Variants in TSPAN6 observed in about 807,000 individuals in gnomAD.
TSPAN6 encodes tetraspanin 6.
In TSPAN6, 13 loss-of-function variants were observed where a neutral mutation model predicts 18.0. That is an observed-to-expected ratio of 0.72 (90% CI 0.47 to 1.15). TSPAN6 has a LOEUF of 1.15. TSPAN6 is among the 50% of genes most tolerant of loss of function. TSPAN6 has a pLI of 0.00. For missense variants in TSPAN6, 186 were observed against 183.9 expected, an observed-to-expected ratio of 1.01 and a Z score of -0.07; for synonymous variants, 82 against 67.0, an observed-to-expected ratio of 1.22 and a Z score of -1.09.
At chrX:100,633,769 T>C (rs1367847988) in intron 4 of TSPAN6, among the ~76,000 whole-genome samples, 162 bp downstream of exon 4, 1 of 108,518 alleles carries the variant, frequency 9.2e-6, no homozygotes, top group African/African-American at 3.4e-5. Flanking sequence ...ACCTGGACTA[T>C]GATGTAAGTG....
At chrX:100,634,665 G>GT (rs946569845) in intron 3 of TSPAN6, among the ~76,000 whole-genome samples, 63 of 107,683 alleles carry the variant, frequency 5.9e-4, no homozygotes, top group East Asian at 3.2e-3. Context: ...CTAATTTTTT[G>GT]TTTTTTTTTG....
intron 1 of TSPAN6, among the ~76,000 whole-genome samples, chrX:100,635,953 C>T (rs368680298): frequency 2.0e-4 from 22 of 112,087 alleles, no homozygotes; most frequent in Admixed American, 1.6e-3. Flanking sequence ...TAAAATTCAT[C>T]TTTTTGTGTG....
chrX:100,631,880 T>C (rs2083061631), intron 6 of TSPAN6, among the ~76,000 whole-genome samples: 1 of 111,652 alleles, frequency 9.0e-6, no homozygotes, highest in African/African-American at 3.3e-5. Flanking sequence ...TCTTCTTTTT[T>C]TTAATTATAC....
At chrX:100,636,825 T>C, upstream of TSPAN6, 1 of 693,399 alleles carries the variant, frequency 1.4e-6, no homozygotes. Context: ...CCGGAAACAC[T>C]GTACAATTTT....
chrX:100,629,753 T>C lies in TSPAN6; in HGVS notation c.*273A>G, dbSNP rs2083046425. The C allele has an allele frequency of 8.8e-6, 1 of 113,404 alleles. No homozygotes were observed. The highest frequency in any genetic ancestry group is 1.8e-5 in the Non-Finnish European group (1 of 54,110). The allele number at this position is 113,404 out of a possible 1,213,427, so 9.3% of individuals were successfully genotyped here. A position where few individuals can be genotyped will look rare whatever the true frequency, so the allele number is the denominator to read the frequency against. Reference sequence around the variant, plus strand: ...TCAGAGGGATACAGGGTTTCAACGATCTAACATGAATGGGATAGAAGGTGG... The same window carrying C: ...TCAGAGGGATACAGGGTTTCAACGACCTAACATGAATGGGATAGAAGGTGG... On this transcript the variant is annotated 3_prime_UTR_variant, in exon 8 of 8. Transcript: ENST00000373020.
intron 1 of TSPAN6, 182 bp downstream of exon 1, chrX:100,636,426 G>C (rs1049975274): frequency 8.8e-5 from 88 of 1,002,593 alleles, no homozygotes; most frequent in Non-Finnish European, 1.1e-4. Flanking sequence ...CCCCAGCGCC[G>C]GCGAGATGCC....
At chrX:100,636,486 A>T in intron 1 of TSPAN6, 122 bp downstream of exon 1, 1 of 1,017,208 alleles carries the variant, frequency 9.8e-7, no homozygotes, top group South Asian at 3.5e-5. Flanking sequence ...TCGGGGTCCC[A>T]GGCGCGATGG....
intron 1 of TSPAN6, chrX:100,636,257 A>C (rs903532436): frequency 2.7e-5 from 22 of 829,504 alleles, no homozygotes; most frequent in Non-Finnish European, 3.2e-5. Context: ...GAGCCCTCAA[A>C]GGGGCCGGGC....
intron 6 of TSPAN6, among the ~76,000 whole-genome samples, chrX:100,631,863 C>G (rs1898917925): frequency 1.8e-5 from 2 of 111,346 alleles, no homozygotes; most frequent in Non-Finnish European, 3.8e-5. Flanking sequence ...CTAAATCTTA[C>G]TTTTTTTCTT....
Position 100,629,974 on chromosome X carries a change from G to A in TSPAN6, c.*52C>T. The A allele has an allele frequency of 9.3e-6, 7 of 752,626 alleles. No individual in the cohort carries two copies. The South Asian group carries it at 3.4e-4, about 36-fold the overall frequency. 62.0% of individuals were successfully genotyped at this position (752,626 alleles called of 1,213,427 possible). On this transcript the variant is annotated 3_prime_UTR_variant, in exon 8 of 8. Transcript: ENST00000373020. ...AAGCAACTTTCTAATTCACAGGGGG[G>A]ACCCTAAATGTCCTAAAATTAAAGA...
chrX:100,636,834 T>C, upstream of TSPAN6: 6 of 648,129 alleles, frequency 9.3e-6, no homozygotes, highest in Non-Finnish European at 1.3e-5. Flanking sequence ...CTGTACAATT[T>C]TGTAGAGGGT....
At chrX:100,636,432 A>G (rs1008228303) in intron 1 of TSPAN6, 176 bp downstream of exon 1, 4 of 995,831 alleles carry the variant, frequency 4.0e-6, no homozygotes, top group Non-Finnish European at 5.1e-6. Context: ...CGCCGGCGAG[A>G]TGCCTGAGCT....
intron 6 of TSPAN6, among the ~76,000 whole-genome samples, chrX:100,631,874 C>CT (rs2083061599): frequency 9.0e-6 from 1 of 110,846 alleles, no homozygotes; most frequent in South Asian, 3.8e-4. Context: ...TTTTTTTCTT[C>CT]TTTTTTTTAA....
chrX:100,635,743 T>A lies in TSPAN6; in HGVS notation c.91A>T (p.Thr31Ser). Residue 31 changes from threonine to serine, a missense_variant, in exon 2 of 8, where the codon ACT becomes TCT. By Grantham distance (58) the Thr-to-Ser change is moderately conservative. Transcript: ENST00000373020. Reference protein sequence around the residue: ...LLIYTFIFWITGVILLAVGIW... With the variant: ...LLIYTFIFWISGVILLAVGIW... The stretch of plus-strand genomic sequence containing the variant: ...CCAACTGCAAGAAGGATAACGCCAG[T>A]GATCTATGTGGGAATTCAGAGAATA... The A allele has an allele frequency of 8.6e-7, 1 of 1,163,846 alleles. No individual in the cohort carries two copies. Among genetic ancestry groups the A allele is most frequent in the Non-Finnish European group, 1.2e-6 (1 of 868,015 alleles).
intron 3 of TSPAN6, among the ~76,000 whole-genome samples, chrX:100,634,560 C>T (rs899769082): frequency 9.1e-6 from 1 of 110,406 alleles, no homozygotes; most frequent in Admixed American, 9.7e-5. Context: ...GGCGCGATCT[C>T]GGCTCACTGC....
In TSPAN6 at chrX:100,629,835, C is replaced by G. The variant is rs942225925; in HGVS notation, c.*191G>C. 9 of 207,307 alleles carry G rather than the reference C, an allele frequency of 4.3e-5. No homozygotes were observed. The highest frequency in any genetic ancestry group is 6.4e-5 in the Non-Finnish European group (9 of 140,282). 17.1% of individuals were successfully genotyped at this position (207,307 alleles called of 1,213,427 possible). On this transcript the variant is annotated 3_prime_UTR_variant, in exon 8 of 8. Transcript: ENST00000373020. ...GAATCAGCCCACTGCGAGCACGGAT[C>G]TTGATTGAATCAGCCTATTGGTGTA...
chrX:100,636,140 A>G (rs1480802309), intron 1 of TSPAN6: 37 of 790,630 alleles, frequency 4.7e-5, no homozygotes, highest in Admixed American at 7.6e-5. Flanking sequence ...ACTGGTACAC[A>G]AAAGCAAGCC....
At chrX:100,635,020 T>A (rs2083084971) in intron 3 of TSPAN6, among the ~76,000 whole-genome samples, 158 bp downstream of exon 3, 1 of 112,489 alleles carries the variant, frequency 8.9e-6, no homozygotes, top group Non-Finnish European at 1.9e-5. Flanking sequence ...TTTCTAAATT[T>A]TCTTTTAAAT....
chrX:100,630,284 C>T (rs1212796844), intron 7 of TSPAN6, among the ~76,000 whole-genome samples: 1 of 111,865 alleles, frequency 8.9e-6, no homozygotes, highest in African/African-American at 3.2e-5. Context: ...ATCTTTTTAC[C>T]AAGAAAGCCA....
Sources: gnomAD v4.1 joint callset for allele counts (sites outside exome capture counted in the v4.1 genomes callset) on GRCh38, gnomAD v4.1.1 for gene constraint, MANE v1.5 for transcripts, NCBI Gene and HGNC (gene_info 2026-07-23, HGNC 2026-07-21) for gene names.